The following DCLK1 variants were observed in gnomAD, a reference collection of about 807,000 sequenced individuals.
DCLK1 encodes serine/threonine-protein kinase DCLK1.
In DCLK1, 16 loss-of-function variants were observed where a neutral mutation model predicts 86.2. The observed-to-expected ratio is 0.19, with a 90% CI of 0.13 to 0.28. The LOEUF is 0.28. Among genes scored for constraint, DCLK1 ranks in the 10% least tolerant of loss-of-function variants. The pLI, the probability that DCLK1 is intolerant of heterozygous loss-of-function variation, is 1.00. For missense variants in DCLK1, 590 were observed against 940.2 expected (o/e 0.63, Z 4.87); for synonymous variants, 369 against 370.5 (o/e 1.00, Z 0.05).
intron 15 of DCLK1, among the ~76,000 whole-genome samples, chr13:35,796,479 C>T (rs921590051): frequency 2.0e-5 from 3 of 152,030 alleles, no homozygotes; most frequent in Non-Finnish European, 4.4e-5. Flanking sequence ...AAAGATGAAA[C>T]AAAGAGGGAA....
chr13:35,889,244 T>TA (rs1337536677), intron 4 of DCLK1, among the ~76,000 whole-genome samples: 1 of 152,174 alleles, frequency 6.6e-6, no homozygotes, highest in Non-Finnish European at 1.5e-5. Context: ...ACACAGAAAA[T>TA]ATCAACCCTT....
intron 3 of DCLK1, among the ~76,000 whole-genome samples, chr13:36,030,652 G>A (rs897071668): frequency 6.6e-6 from 1 of 151,738 alleles, no homozygotes; most frequent in Non-Finnish European, 1.5e-5. Flanking sequence ...TGACCATTAG[G>A]GAACAGTATC....
At chr13:35,809,262 GA>G (rs2087093966) in intron 12 of DCLK1, among the ~76,000 whole-genome samples, 167 bp from the exon 13 acceptor site, 1 of 151,894 alleles carries the variant, frequency 6.6e-6, no homozygotes, top group Admixed American at 6.6e-5. Context: ...AGAGTTCAAA[GA>G]AAAAGTTTAA....
At chr13:36,044,843 G>A (rs955828763) in intron 3 of DCLK1, among the ~76,000 whole-genome samples, 2 of 151,958 alleles carry the variant, frequency 1.3e-5, no homozygotes, top group Non-Finnish European at 1.5e-5. Context: ...TAAGAAACGT[G>A]GAGGTAAATA....
chr13:35,958,127 CACT>C (rs1878165106), intron 3 of DCLK1, among the ~76,000 whole-genome samples: 1 of 26,296 alleles, frequency 3.8e-5, no homozygotes, highest in African/African-American at 4.3e-4. Context: ...CCACCACTAC[CACT>C]ACTATAACCA....
intron 11 of DCLK1, among the ~76,000 whole-genome samples, chr13:35,816,880 T>C (rs1432310078): frequency 6.6e-6 from 1 of 152,182 alleles, no homozygotes; most frequent in Non-Finnish European, 1.5e-5. Context: ...TCCAGTTTCT[T>C]CCTCTTAGGT....
chr13:35,846,849 C>A (rs942768794), intron 6 of DCLK1: 2 of 984,874 alleles, frequency 2.0e-6, no homozygotes, highest in African/African-American at 3.5e-5. Context: ...GATATATACA[C>A]ACATACAGCA....
intron 4 of DCLK1, among the ~76,000 whole-genome samples, chr13:35,924,306 T>C (rs1875974403): frequency 6.6e-6 from 1 of 152,178 alleles, no homozygotes; most frequent in African/African-American, 2.4e-5. Context: ...TTACAAAGGC[T>C]TTCTTGTCAC....
At chr13:35,847,448 C>G (rs1207758679) in intron 6 of DCLK1, 6 of 984,830 alleles carry the variant, frequency 6.1e-6, no homozygotes, top group Non-Finnish European at 7.2e-6. Flanking sequence ...ACATACACAC[C>G]AAGCCTGGCA....
At chr13:35,783,163 A>G (rs1440330506) in intron 16 of DCLK1, among the ~76,000 whole-genome samples, 1 of 152,248 alleles carries the variant, frequency 6.6e-6, no homozygotes, top group East Asian at 1.9e-4. Flanking sequence ...AAACATATAC[A>G]TTACTGAGCG....
At chr13:35,857,606 G>C (rs1871140405) in intron 5 of DCLK1, among the ~76,000 whole-genome samples, 1 of 152,202 alleles carries the variant, frequency 6.6e-6, no homozygotes, top group Non-Finnish European at 1.5e-5. Flanking sequence ...CCTTTGCTGT[G>C]TGTCTTTTGT....
chr13:35,940,170 G>A (rs1221390357), intron 4 of DCLK1, among the ~76,000 whole-genome samples: 3 of 147,736 alleles, frequency 2.0e-5, no homozygotes, highest in African/African-American at 7.7e-5. Flanking sequence ...GCAGTGAGCC[G>A]AGATCACGCC....
At chr13:35,916,975 C>T (rs1020642868) in intron 4 of DCLK1, among the ~76,000 whole-genome samples, 1 of 152,168 alleles carries the variant, frequency 6.6e-6, no homozygotes, top group Non-Finnish European at 1.5e-5. Flanking sequence ...CAACAGGTGG[C>T]CTTCTTCTAC....
intron 3 of DCLK1, among the ~76,000 whole-genome samples, chr13:36,053,205 C>T (rs2153157564): frequency 6.6e-6 from 1 of 152,164 alleles, no homozygotes; most frequent in African/African-American, 2.4e-5. Context: ...GATTGAGTGC[C>T]TACTAAATGA....
chr13:35,918,887 A>AGT (rs1327352861), intron 4 of DCLK1, among the ~76,000 whole-genome samples: 1 of 19,246 alleles, frequency 5.2e-5, no homozygotes, highest in Non-Finnish European at 1.4e-4. Context: ...CTTCCTTCTG[A>AGT]GTGTGTTTTT....
intron 3 of DCLK1, among the ~76,000 whole-genome samples, chr13:36,107,746 A>C (rs1047390367): frequency 6.6e-6 from 1 of 152,166 alleles, no homozygotes; most frequent in Non-Finnish European, 1.5e-5. Context: ...AGCTCAAGAA[A>C]GCCAGATTTG....
intron 3 of DCLK1, among the ~76,000 whole-genome samples, chr13:36,035,950 GATA>G (rs1413691462): frequency 6.6e-6 from 1 of 152,102 alleles, no homozygotes; most frequent in South Asian, 2.1e-4. Flanking sequence ...TATCCAAATA[GATA>G]ATATTTCCAT....
chr13:36,118,604 T>C (rs898873779), intron 2 of DCLK1, among the ~76,000 whole-genome samples: 1 of 151,762 alleles, frequency 6.6e-6, no homozygotes, highest in Non-Finnish European at 1.5e-5. Context: ...CAAGCAGAAA[T>C]AGGAATGGAG....
intron 4 of DCLK1, among the ~76,000 whole-genome samples, chr13:35,896,756 C>T (rs1874021181): frequency 6.6e-6 from 1 of 151,986 alleles, no homozygotes; most frequent in African/African-American, 2.4e-5. Flanking sequence ...TCAGGTAAAC[C>T]TTTAGAGGGG....
Sources: allele counts gnomAD v4.1 joint callset (sites outside exome capture counted in the v4.1 genomes callset), GRCh38; gene constraint gnomAD v4.1.1; transcripts MANE v1.5; gene names NCBI Gene and HGNC (gene_info 2026-07-23, HGNC 2026-07-21).